Variants in MED13L observed in about 807,000 individuals in gnomAD.
The protein encoded by MED13L is mediator complex subunit 13L, also known as mediator of RNA polymerase II transcription subunit 13-like.
Under a neutral mutation model 220.9 loss-of-function variants are expected in MED13L, and 7 were observed. That is an observed-to-expected ratio of 0.03 (90% CI 0.02 to 0.06). The LOEUF (loss-of-function observed/expected upper bound fraction) is 0.06, where lower values mean the gene tolerates loss of function less well. MED13L is among the 10% of genes least tolerant of loss of function. The pLI, the probability that MED13L is intolerant of heterozygous loss-of-function variation, is 1.00. For missense variants in MED13L, 1,965 were observed against 2,760.5 expected (o/e 0.71, Z 6.46); for synonymous variants, 1,011 against 1,015.2 (o/e 1.00, Z 0.08).
intron 1 of MED13L, among the ~76,000 whole-genome samples, chr12:116,256,273 A>G (rs1387745067): frequency 2.6e-5 from 4 of 152,020 alleles, no homozygotes; most frequent in Non-Finnish European, 5.9e-5. Context: ...ATATCCAAAA[A>G]AGAGACTACT....
chr12:116,215,732 G>A (rs1336465697), intron 2 of MED13L, among the ~76,000 whole-genome samples: 1 of 152,014 alleles, frequency 6.6e-6, no homozygotes, highest in Non-Finnish European at 1.5e-5. Flanking sequence ...CAATATTTAA[G>A]GATCAAAACA....
intron 4 of MED13L, among the ~76,000 whole-genome samples, chr12:116,034,070 C>T (rs1342073961): frequency 6.6e-6 from 1 of 152,026 alleles, no homozygotes; most frequent in African/African-American, 2.4e-5. Flanking sequence ...TCCTATTGTT[C>T]ATCTAACCCC....
At chr12:116,182,809 G>A (rs1303497617) in intron 2 of MED13L, among the ~76,000 whole-genome samples, 2 of 152,058 alleles carry the variant, frequency 1.3e-5, no homozygotes, top group African/African-American at 4.8e-5. Context: ...CACAATTCAA[G>A]GACGCCCTCC....
chr12:116,083,404 GAAAAA>G (rs61301423), intron 4 of MED13L, among the ~76,000 whole-genome samples: 3 of 79,356 alleles, frequency 3.8e-5, no homozygotes, highest in Non-Finnish European at 7.1e-5. Context: ...TGTCTCGAGG[GAAAAA>G]AAAAAAAAAA....
At chr12:116,033,579 TA>T (rs896744682) in intron 4 of MED13L, among the ~76,000 whole-genome samples, 1 of 151,788 alleles carries the variant, frequency 6.6e-6, no homozygotes, top group Non-Finnish European at 1.5e-5. Flanking sequence ...AGAATTAAAG[TA>T]AAAAAAAGAC....
rs11067946 is a variant in MED13L, at chr12:116,213,960, G to A, written c.310+23508C>T. Among the ~76,000 whole-genome samples, 9 of 152,246 alleles carry A rather than the reference G, an allele frequency of 5.9e-5. No individual in the cohort carries two copies. In the East Asian group the frequency reaches 1.4e-3, roughly 23 times the overall value. On this transcript the variant is annotated intron_variant, in intron 2 of 30. Coordinates refer to ENST00000281928, the MANE Select transcript of MED13L (RefSeq NM_015335.5). ...GCAAACACAGTGTTACATCCATCTT[G>A]TATAGATTTCCCTTAAAACACACAA...
At chr12:116,230,498 TC>T in intron 2 of MED13L, 2 of 984,214 alleles carry the variant, frequency 2.0e-6, no homozygotes, top group Non-Finnish European at 1.2e-6. Context: ...CAAAATGGTA[TC>T]ATTCATGTTT....
intron 2 of MED13L, among the ~76,000 whole-genome samples, chr12:116,135,323 A>G (rs549840113): frequency 6.6e-6 from 1 of 152,320 alleles, no homozygotes; most frequent in East Asian, 1.9e-4. Flanking sequence ...TGCTGAAAGG[A>G]AGCCTAAGTT....
intron 4 of MED13L, among the ~76,000 whole-genome samples, chr12:116,058,894 A>G (rs1869200128): frequency 6.6e-6 from 1 of 152,220 alleles, no homozygotes; most frequent in Non-Finnish European, 1.5e-5. Flanking sequence ...TAAAATATGA[A>G]TATGTTAATT....
rs766326918 is a variant in MED13L, at chr12:115,980,879, T to C, written c.5235A>G (p.Gln1745=). The change falls in exon 23 of 31, where the codon CAA becomes CAG. Residue 1745 remains glutamine, a synonymous_variant. Coordinates refer to ENST00000281928, the MANE Select transcript of MED13L (RefSeq NM_015335.5). ...CTGAAAATGCCATGGACTTCAAGTA[T>C]TGAATGTAGAAAACTTGCTCATCCT... ...TMKDEQVFYI[Q]YLKSMAFSVY... The C allele has an allele frequency of 5.0e-6, 8 of 1,613,600 alleles. No homozygotes were observed. The highest frequency in any genetic ancestry group is 1.7e-4 in the Middle Eastern group (1 of 6,030).
intron 2 of MED13L, among the ~76,000 whole-genome samples, chr12:116,193,959 T>G (rs1881450225): frequency 6.6e-6 from 1 of 152,216 alleles, no homozygotes; most frequent in Non-Finnish European, 1.5e-5. Context: ...AAGTTCAATT[T>G]CACTATTAAA....
chr12:115,978,597 G>A (rs1043265158), intron 23 of MED13L, among the ~76,000 whole-genome samples: 1 of 152,112 alleles, frequency 6.6e-6, no homozygotes, highest in Non-Finnish European at 1.5e-5. Flanking sequence ...AAAGTGTTGG[G>A]ATTATAGGCA....
At position 116,009,094 on chromosome 12, in the gene MED13L, C is replaced by A; in HGVS notation, c.1319G>T (p.Arg440Leu). The A allele has an allele frequency of 1.2e-6, 2 of 1,613,832 alleles. No individual in the cohort carries two copies. The highest frequency in any genetic ancestry group is 1.7e-6 in the Non-Finnish European group (2 of 1,179,934). ...LLKRCAVGPN[R>L]PPTVSQPGFS... The stretch of plus-strand genomic sequence containing the variant: ...CCCTGGTTGAGATACTGTGGGAGGT[C>A]GATTGGGCCCGACTGCACAACGTTT... The change falls in exon 10 of 31, where the codon CGA becomes CTA. Residue 440 changes from arginine (R) to leucine (L), a missense_variant. Transcript: ENST00000281928.
At chr12:116,261,212 T>C (rs565020366) in intron 1 of MED13L, among the ~76,000 whole-genome samples, 1 of 152,100 alleles carries the variant, frequency 6.6e-6, no homozygotes, top group Non-Finnish European at 1.5e-5. Flanking sequence ...ATATTTTCTG[T>C]AGGCTGGGCA....
At chr12:116,173,515 A>G (rs1053222029) in intron 2 of MED13L, among the ~76,000 whole-genome samples, 1 of 152,252 alleles carries the variant, frequency 6.6e-6, no homozygotes, top group Admixed American at 6.5e-5. Flanking sequence ...TTTATAGCAT[A>G]AGAAAAATGT....
chr12:116,114,724 A>C (rs1430888135), intron 2 of MED13L, among the ~76,000 whole-genome samples: 1 of 152,204 alleles, frequency 6.6e-6, no homozygotes, highest in African/African-American at 2.4e-5. Flanking sequence ...ATTAACAGAA[A>C]AAATCTACTA....
intron 3 of MED13L, among the ~76,000 whole-genome samples, chr12:116,102,670 C>T (rs750733655): frequency 6.7e-6 from 1 of 149,364 alleles, no homozygotes; most frequent in Non-Finnish European, 1.5e-5. Context: ...AGAAACCTTT[C>T]CCGAGTAATC....
intron 1 of MED13L, chr12:116,276,827 C>T: frequency 9.3e-7 from 1 of 1,078,996 alleles, no homozygotes; most frequent in Non-Finnish European, 1.3e-6. Context: ...GCAAATTCCA[C>T]GCCGAGCGCC....
At chr12:116,192,470 G>T (rs1478380005) in intron 2 of MED13L, among the ~76,000 whole-genome samples, 4 of 152,112 alleles carry the variant, frequency 2.6e-5, no homozygotes. Context: ...TTTAATGAGA[G>T]AAATAAAATC....
Sources: allele counts gnomAD v4.1 joint callset (sites outside exome capture counted in the v4.1 genomes callset), GRCh38; gene constraint gnomAD v4.1.1; transcripts MANE v1.5; gene names NCBI Gene and HGNC (gene_info 2026-07-23, HGNC 2026-07-21).